The following GRM8 variants were observed in gnomAD, a reference collection of about 807,000 sequenced individuals.
The protein encoded by GRM8 is metabotropic glutamate receptor 8.
GRM8 carries 47 observed loss-of-function variants against 87.2 expected under a neutral mutation model. The observed-to-expected ratio is 0.54, with a 90% CI of 0.43 to 0.69. The LOEUF (loss-of-function observed/expected upper bound fraction) is 0.69. Among genes scored for constraint, GRM8 ranks in the 30% least tolerant of loss-of-function variants. GRM8 has a pLI of 0.00. For missense variants in GRM8, 1,019 were observed against 1,139.2 expected (o/e 0.89, Z 1.52); for synonymous variants, 396 against 404.5 (o/e 0.98, Z 0.25).
intron 6 of GRM8, among the ~76,000 whole-genome samples, chr7:126,833,226 A>G (rs1795550969): frequency 1.3e-5 from 2 of 152,228 alleles, no homozygotes; most frequent in Non-Finnish European, 2.9e-5. Flanking sequence ...GGTAAGGAAG[A>G]GGCGGTACAA....
At chr7:126,797,119 T>G (rs935494485) in intron 6 of GRM8, among the ~76,000 whole-genome samples, 1 of 152,094 alleles carries the variant, frequency 6.6e-6, no homozygotes, top group African/African-American at 2.4e-5. Context: ...TCATTAAATG[T>G]GAAAGCTTCC....
At chr7:126,744,575 T>G (rs995341648) in intron 7 of GRM8, among the ~76,000 whole-genome samples, 17 of 152,066 alleles carry the variant, frequency 1.1e-4, no homozygotes, top group African/African-American at 4.1e-4. Context: ...ATTTCAAAGC[T>G]TCTATGATTA....
intron 2 of GRM8, among the ~76,000 whole-genome samples, chr7:127,109,493 T>C (rs1291647265): frequency 6.6e-6 from 1 of 152,170 alleles, no homozygotes; most frequent in Admixed American, 6.5e-5. Flanking sequence ...TGCACCCTTC[T>C]CCATACCAGG....
Position 126,549,570 on chromosome 7 carries a change from A to G in GRM8, c.1495-15683T>C, listed in dbSNP as rs370280833. On this transcript the variant is annotated intron_variant, in intron 8 of 10. Transcript: ENST00000339582. ...ATGGTTGTAGTTTATGTTTATACATATATTTCTAGTTATTCTGCCACAATA... is the reference window on the plus strand; with the variant it reads ...ATGGTTGTAGTTTATGTTTATACATGTATTTCTAGTTATTCTGCCACAATA... Among the ~76,000 whole-genome samples, 4 of 152,332 alleles carry G rather than the reference A, an allele frequency of 2.6e-5. No individual in the cohort carries two copies. In the East Asian group the frequency reaches 7.7e-4, roughly 29 times the overall value.
chr7:126,526,150 T>A (rs1355006798), intron 9 of GRM8, among the ~76,000 whole-genome samples: 1 of 152,172 alleles, frequency 6.6e-6, no homozygotes, highest in Non-Finnish European at 1.5e-5. Context: ...GAGATAAGCA[T>A]CTACTGAAGC....
chr7:127,161,590 A>C (rs912246410), intron 2 of GRM8, among the ~76,000 whole-genome samples: 2 of 152,220 alleles, frequency 1.3e-5, no homozygotes, highest in Non-Finnish European at 2.9e-5. Flanking sequence ...GCATGTGTAC[A>C]GTAGAGCTGC....
intron 9 of GRM8, among the ~76,000 whole-genome samples, chr7:126,477,597 A>AAGAAAGAG (rs1554446074): frequency 1.6e-5 from 1 of 62,298 alleles, no homozygotes; most frequent in Non-Finnish European, 4.3e-5. Context: ...GAAAGAAAGA[A>AAGAAAGAG]AGAAAGAAAG....
At chr7:126,829,319 A>C (rs1795123805) in intron 6 of GRM8, among the ~76,000 whole-genome samples, 1 of 137,176 alleles carries the variant, frequency 7.3e-6, no homozygotes, top group Non-Finnish European at 1.6e-5. Flanking sequence ...GTCTCCCATT[A>C]TTATTGTGTG....
intron 3 of GRM8, among the ~76,000 whole-genome samples, chr7:126,959,564 G>A (rs1809094310): frequency 6.6e-6 from 1 of 152,046 alleles, no homozygotes; most frequent in Admixed American, 6.5e-5. Context: ...TACTTTCTGG[G>A]GTTGACAGGT....
At chr7:126,760,565 C>T (rs1331024328) in intron 7 of GRM8, among the ~76,000 whole-genome samples, 8 of 151,718 alleles carry the variant, frequency 5.3e-5, no homozygotes, top group African/African-American at 1.2e-4. Context: ...TCATCAGAAA[C>T]AAAAAAATTA....
At chr7:127,134,585 T>C (rs1326860805) in intron 2 of GRM8, among the ~76,000 whole-genome samples, 1 of 152,154 alleles carries the variant, frequency 6.6e-6, no homozygotes, top group Non-Finnish European at 1.5e-5. Flanking sequence ...ATTTGAATTG[T>C]AGGAAAGGCA....
chr7:127,213,065 C>T (rs751931825), intron 2 of GRM8, among the ~76,000 whole-genome samples: 4 of 152,094 alleles, frequency 2.6e-5, no homozygotes, highest in African/African-American at 7.2e-5. Context: ...ATAATTGTAC[C>T]GAGGGATATG....
chr7:126,943,800 T>C (rs951002800), intron 3 of GRM8, among the ~76,000 whole-genome samples: 6 of 152,134 alleles, frequency 3.9e-5, no homozygotes, highest in African/African-American at 1.4e-4. Flanking sequence ...CAATCGAGAG[T>C]AAACAGACAA....
At chr7:127,169,991 C>T (rs1379313218) in intron 2 of GRM8, among the ~76,000 whole-genome samples, 1 of 152,184 alleles carries the variant, frequency 6.6e-6, no homozygotes, top group Non-Finnish European at 1.5e-5. Flanking sequence ...CCTGCTAACA[C>T]AATATCCATT....
intron 7 of GRM8, among the ~76,000 whole-genome samples, chr7:126,757,925 C>G (rs1388422656): frequency 6.6e-6 from 1 of 152,088 alleles, no homozygotes; most frequent in African/African-American, 2.4e-5. Flanking sequence ...ATATCTTACC[C>G]TAAGGTTCTA....
At chr7:126,584,007 A>T (rs78510555) in intron 8 of GRM8, among the ~76,000 whole-genome samples, 19,567 of 152,140 alleles carry the variant, frequency 0.13, 1,718 homozygotes, top group Non-Finnish European at 0.17. Context: ...CTTATTTTTT[A>T]AAATTGCCAC....
Position 126,504,907 on chromosome 7 carries a change from C to T in GRM8, c.2430+28045G>A, listed in dbSNP as rs896784512. Among the ~76,000 whole-genome samples the T allele has an allele frequency of 4.6e-5, 7 of 151,962 alleles. 1 individual carries two copies. The highest frequency in any genetic ancestry group is 3.9e-4 in the Admixed American group (6 of 15,236). On this transcript the variant is annotated intron_variant, in intron 9 of 10. Coordinates refer to ENST00000339582, the MANE Select transcript of GRM8 (RefSeq NM_000845.3). The stretch of plus-strand genomic sequence containing the variant: ...TTTCCAAATAACTAAATTTTTATTA[C>T]TAACTATAATACAAAATATCAAAAT...
intron 2 of GRM8, among the ~76,000 whole-genome samples, chr7:127,132,703 C>T (rs776447334): frequency 1.3e-5 from 2 of 151,942 alleles, no homozygotes; most frequent in Non-Finnish European, 2.9e-5. Flanking sequence ...TTCCTGGCCT[C>T]GCAAGTACCT....
intron 9 of GRM8, among the ~76,000 whole-genome samples, chr7:126,494,679 A>G (rs527941490): frequency 6.6e-6 from 1 of 152,138 alleles, no homozygotes; most frequent in South Asian, 2.1e-4. Flanking sequence ...CAAAGACAGA[A>G]AGTAACAAAA....
Sources: gnomAD v4.1 joint callset for allele counts (sites outside exome capture counted in the v4.1 genomes callset) on GRCh38, gnomAD v4.1.1 for gene constraint, MANE v1.5 for transcripts, NCBI Gene and HGNC (gene_info 2026-07-23, HGNC 2026-07-21) for gene names.